GALC: variants seen among roughly 807,000 people sequenced by gnomAD.
GALC encodes the protein galactosylceramidase.
In GALC, 77 loss-of-function variants were observed where a neutral mutation model predicts 91.8. The ratio of observed to expected loss-of-function variants is 0.84; its 90% confidence interval spans 0.70 to 1.01. GALC has a LOEUF of 1.01. Among genes scored for constraint, GALC ranks in the 50% least tolerant of loss-of-function variants. The pLI, the probability that GALC is intolerant of heterozygous loss-of-function variation, is 0.00. For synonymous variants in GALC, 357 were observed against 306.7 expected, an observed-to-expected ratio of 1.16 and a Z score of -1.71; for missense variants, 882 against 855.9, an observed-to-expected ratio of 1.03 and a Z score of -0.38.
chr14:87,969,214 A>G (rs183625664), intron 7 of GALC, among the ~76,000 whole-genome samples: 28 of 152,304 alleles, frequency 1.8e-4, no homozygotes, highest in Admixed American at 1.8e-3. Flanking sequence ...ACCTGGGGTC[A>G]GGGATATTTG....
chr14:87,969,759 T>C (rs1595219674), intron 7 of GALC, among the ~76,000 whole-genome samples: 1 of 152,156 alleles, frequency 6.6e-6, no homozygotes, highest in Non-Finnish European at 1.5e-5. Context: ...ACAAATCTTT[T>C]AGGAAAAAAT....
At chr14:87,960,340 C>A (rs974590553) in intron 10 of GALC, among the ~76,000 whole-genome samples, 2 of 152,154 alleles carry the variant, frequency 1.3e-5, no homozygotes, top group Non-Finnish European at 2.9e-5. Flanking sequence ...CTGGTGTTTT[C>A]TTGCACACTA....
upstream of GALC, chr14:87,993,227 G>C (rs1055562642): frequency 5.9e-5 from 91 of 1,547,172 alleles, no homozygotes; most frequent in Non-Finnish European, 7.4e-5. Flanking sequence ...CGATAGATAC[G>C]GGCAGGAGGC....
At chr14:87,983,703 C>A (rs1886845273) in intron 5 of GALC, among the ~76,000 whole-genome samples, 1 of 152,172 alleles carries the variant, frequency 6.6e-6, no homozygotes, top group Non-Finnish European at 1.5e-5. Context: ...GGGTACGATG[C>A]AGCCTGGGGC....
chr14:87,944,685 G>A (rs537636493), intron 14 of GALC, among the ~76,000 whole-genome samples: 5 of 152,132 alleles, frequency 3.3e-5, no homozygotes, highest in Non-Finnish European at 5.9e-5. Context: ...GTCAGAGCTT[G>A]GGACTAGAAT....
At chr14:87,957,677 C>T (rs1321158080) in intron 10 of GALC, among the ~76,000 whole-genome samples, 3 of 152,060 alleles carry the variant, frequency 2.0e-5, no homozygotes, top group Non-Finnish European at 4.4e-5. Context: ...TCAATGTACA[C>T]AAATAATGTA....
chr14:87,986,349 G>C (rs765470511), intron 4 of GALC, 140 bp downstream of exon 4: 13 of 690,714 alleles, frequency 1.9e-5, no homozygotes, highest in African/African-American at 1.1e-4. Context: ...CCTGGCACAT[G>C]CTTTGCTGCT....
intron 10 of GALC, among the ~76,000 whole-genome samples, chr14:87,960,374 G>C (rs1390123084): frequency 6.6e-6 from 1 of 152,162 alleles, no homozygotes; most frequent in Non-Finnish European, 1.5e-5. Context: ...TAACAGTAAG[G>C]TTTTGTGTAT....
chr14:87,987,151 T>C (rs536830299), intron 3 of GALC: 2 of 424,644 alleles, frequency 4.7e-6, no homozygotes, highest in East Asian at 1.4e-4. Context: ...CTGCAGTTAG[T>C]AGAGGTTACA....
intron 6 of GALC, among the ~76,000 whole-genome samples, chr14:87,978,816 T>C (rs890001055): frequency 6.7e-6 from 1 of 148,582 alleles, no homozygotes; most frequent in Non-Finnish European, 1.5e-5. Flanking sequence ...AAATCTTACA[T>C]ATCAGTAGCA....
chr14:87,992,690 C>T (rs561853915), intron 1 of GALC: 2 of 1,435,320 alleles, frequency 1.4e-6, no homozygotes, highest in Non-Finnish European at 1.8e-6. Context: ...TACTTCACTA[C>T]TTAGACCTGT....
intron 16 of GALC, 77 bp from the exon 17 acceptor site, chr14:87,934,955 C>T (rs1318174287): frequency 2.9e-6 from 3 of 1,042,612 alleles, no homozygotes; most frequent in Non-Finnish European, 3.0e-6. Context: ...TCATGTATGG[C>T]CCACTACTTA....
intron 13 of GALC, among the ~76,000 whole-genome samples, chr14:87,947,089 T>C (rs4254268): frequency 0.46 from 69,829 of 151,770 alleles, 17,739 homozygotes; most frequent in East Asian, 0.75. Context: ...TGACCCTGTC[T>C]GTGAGACCCA....
In GALC at chr14:87,960,083, G is replaced by A. The variant is rs535392032; in HGVS notation, c.1161+3301C>T. Among the ~76,000 whole-genome samples the A allele has an allele frequency of 1.2e-4, 19 of 152,208 alleles. No homozygotes were observed. The South Asian group carries it at 3.7e-3, about 30-fold the overall frequency. ...CATGTAGAATTAAAAAAAAAGAAGA[G>A]TTGATATCACAGATGCAGAAAGTAG... is the stretch of plus-strand genomic sequence containing the variant. On this transcript the variant is annotated intron_variant, in intron 10 of 16. Transcript: ENST00000261304.
rs115976137 is a variant in GALC at position 87,956,555 on chromosome 14, C to T, written c.1162-5807G>A. ...TATACATACACCATATATATATACA[C>T]GCACCATATATATATATATACACAC... is the stretch of plus-strand genomic sequence containing the variant. On this transcript the variant is annotated intron_variant, in intron 10 of 16. Transcript: ENST00000261304. Among the ~76,000 whole-genome samples, 463 of 149,854 alleles carry T rather than the reference C, an allele frequency of 3.1e-3. 1 individual carries two copies. Among genetic ancestry groups the T allele is most frequent in the African/African-American group, 0.011 (430 of 40,774 alleles).
rs150025895 is a variant in GALC at position 87,946,395 on chromosome 14, T to C, written c.1490-662A>G. On this transcript the variant is annotated intron_variant, in intron 13 of 16. Transcript: ENST00000261304. ...AATGAATGCTGTAGAGGAGAAATTT[T>C]ACATATCTTATAGCTCTTATACCTC... Among the ~76,000 whole-genome samples, 60 of 152,170 alleles carry C rather than the reference T, an allele frequency of 3.9e-4. 1 individual carries two copies. The East Asian group carries it at 0.012, about 30-fold the overall frequency.
Position 87,976,356 on chromosome 14 carries a change from A to T in GALC, c.752+2T>A. The T allele has an allele frequency of 6.2e-7, 1 of 1,613,936 alleles. No individual in the cohort carries two copies. Among genetic ancestry groups the T allele is most frequent in the Non-Finnish European group, 8.5e-7 (1 of 1,179,968 alleles). On this transcript the variant is annotated splice_donor_variant, in intron 7 of 16. Coordinates refer to ENST00000261304, the MANE Select transcript of GALC (RefSeq NM_000153.4). LOFTEE classifies it high-confidence loss of function. ...TAGTTTTCCAAGTAAAACATGCCTT[A>T]CCCTATAACATCAACCACCTTGAAG...
intron 9 of GALC, among the ~76,000 whole-genome samples, chr14:87,964,370 T>C (rs1424344174): frequency 6.6e-6 from 1 of 152,150 alleles, no homozygotes; most frequent in East Asian, 1.9e-4. Flanking sequence ...TTCATAATTT[T>C]CTTCTGAAAG....
intron 13 of GALC, among the ~76,000 whole-genome samples, chr14:87,947,300 A>T (rs1885112797): frequency 6.6e-6 from 1 of 151,976 alleles, no homozygotes; most frequent in South Asian, 2.1e-4. Flanking sequence ...ACGGGATGGT[A>T]TATAATGAGT....
Sources: allele counts gnomAD v4.1 joint callset (sites outside exome capture counted in the v4.1 genomes callset), GRCh38; gene constraint gnomAD v4.1.1; transcripts MANE v1.5; gene names NCBI Gene and HGNC (gene_info 2026-07-23, HGNC 2026-07-21).